The following CDH12 variants were observed in gnomAD, a reference collection of about 807,000 sequenced individuals.
The protein encoded by CDH12 is cadherin-12.
In CDH12, 41 loss-of-function variants were observed where a neutral mutation model predicts 74.1. The observed-to-expected ratio is 0.55, with a 90% confidence interval of 0.43 to 0.72. The LOEUF (loss-of-function observed/expected upper bound fraction) is 0.72, where lower values mean the gene tolerates loss of function less well. CDH12 is among the 30% of genes least tolerant of loss of function. The pLI is 0.00. For synonymous variants in CDH12, 399 were observed against 355.0 expected (o/e 1.12, Z -1.39); for missense variants, 945 against 977.2 (o/e 0.97, Z 0.44).
intron 6 of CDH12, among the ~76,000 whole-genome samples, chr5:21,865,405 T>C (rs1751274900): frequency 6.6e-6 from 1 of 152,196 alleles, no homozygotes; most frequent in Non-Finnish European, 1.5e-5. Context: ...GGGCAGGTGC[T>C]ATTCTTCAAA....
chr5:22,554,638 A>G (rs1168058286), intron 1 of CDH12, among the ~76,000 whole-genome samples: 4 of 152,138 alleles, frequency 2.6e-5, no homozygotes, highest in Non-Finnish European at 4.4e-5. Context: ...GCAGCACAGT[A>G]TGACTCAGTG....
intron 1 of CDH12, among the ~76,000 whole-genome samples, chr5:22,821,303 T>C (rs554993498): frequency 1.3e-5 from 2 of 151,720 alleles, no homozygotes; most frequent in East Asian, 3.9e-4. Flanking sequence ...AAACTGGGAG[T>C]ATTCCCTTTG....
chr5:21,852,829 G>T (rs1017271019), intron 7 of CDH12, among the ~76,000 whole-genome samples: 3 of 151,146 alleles, frequency 2.0e-5, no homozygotes, highest in Non-Finnish European at 4.4e-5. Context: ...TTCATAAGCT[G>T]AAGGGATCTA....
chr5:22,318,982 A>G (rs981942877), intron 3 of CDH12, among the ~76,000 whole-genome samples: 1 of 152,172 alleles, frequency 6.6e-6, no homozygotes, highest in African/African-American at 2.4e-5. Flanking sequence ...CCTGGAAAAA[A>G]GCATAAGATT....
At chr5:22,843,371 C>G (rs1049318178) in intron 1 of CDH12, among the ~76,000 whole-genome samples, 1 of 152,020 alleles carries the variant, frequency 6.6e-6, no homozygotes, top group African/African-American at 2.4e-5. Context: ...AAATTAGCAT[C>G]AAACACAGAA....
chr5:21,817,618 G>A (rs1277161268), intron 8 of CDH12, among the ~76,000 whole-genome samples: 2 of 151,864 alleles, frequency 1.3e-5, no homozygotes, highest in Non-Finnish European at 2.9e-5. Flanking sequence ...ACTTCAATAA[G>A]TATACATCAT....
intron 1 of CDH12, among the ~76,000 whole-genome samples, chr5:22,736,669 T>A (rs1744746091): frequency 6.6e-6 from 1 of 151,708 alleles, no homozygotes; most frequent in Non-Finnish European, 1.5e-5. Flanking sequence ...ATGTATCAGA[T>A]AGATTAGGAA....
At chr5:22,722,064 C>A (rs1454468435) in intron 1 of CDH12, among the ~76,000 whole-genome samples, 1 of 152,148 alleles carries the variant, frequency 6.6e-6, no homozygotes, top group Non-Finnish European at 1.5e-5. Context: ...CATATGTCAC[C>A]TTTTCTCTTT....
intron 1 of CDH12, among the ~76,000 whole-genome samples, chr5:22,821,363 T>C (rs185698605): frequency 3.3e-5 from 5 of 152,224 alleles, no homozygotes; most frequent in African/African-American, 1.2e-4. Flanking sequence ...CTATTCAACA[T>C]AGTGTTGCAA....
chr5:21,843,350 C>T (rs1749976133), intron 7 of CDH12, among the ~76,000 whole-genome samples: 1 of 152,028 alleles, frequency 6.6e-6, no homozygotes, highest in South Asian at 2.1e-4. Flanking sequence ...AAATCATAAA[C>T]CCAACATACA....
At chr5:21,840,851 C>T (rs1489111949) in intron 8 of CDH12, among the ~76,000 whole-genome samples, 2 of 152,030 alleles carry the variant, frequency 1.3e-5, no homozygotes, top group African/African-American at 4.8e-5. Flanking sequence ...TACACAAAAA[C>T]CAATTCAAGA....
chr5:21,802,341 G>C lies in CDH12; in HGVS notation c.1082C>G (p.Ser361Trp), dbSNP rs751770170. Reference protein sequence around the residue: ...SNLHLDHRFHSAGPFKDTATV... With the variant: ...SNLHLDHRFHWAGPFKDTATV... ...AGCTGTGTCTTTGAAAGGGCCCGCCGAGTGAAACCGGTGGTCAAGGTGAAG... is the reference window on the plus strand; with the variant it reads ...AGCTGTGTCTTTGAAAGGGCCCGCCCAGTGAAACCGGTGGTCAAGGTGAAG... Residue 361 changes from serine to tryptophan, a missense_variant, in exon 10 of 15, where the codon TCG becomes TGG. By Grantham distance (177) the Ser-to-Trp change is radical. Around this residue, in one of 3 missense-constraint regions of CDH12, gnomAD observed 791 missense variants for 792.8 expected, o/e 1.00. Transcript: ENST00000382254. 6.2e-7 allele frequency: 1 copy of C among 1,613,804 alleles called. No homozygotes were observed.
chr5:22,477,592 C>T (rs991375889), intron 2 of CDH12, among the ~76,000 whole-genome samples: 1 of 152,120 alleles, frequency 6.6e-6, no homozygotes, highest in African/African-American at 2.4e-5. Context: ...TTCCTTTTGG[C>T]ATATACTCAG....
chr5:21,884,471 A>G (rs1182452062), intron 6 of CDH12, among the ~76,000 whole-genome samples: 3 of 152,218 alleles, frequency 2.0e-5, no homozygotes, highest in Admixed American at 2.0e-4. Context: ...TTGACAAAAT[A>G]TATAATGGTT....
chr5:22,449,686 A>G (rs1254612650), intron 2 of CDH12, among the ~76,000 whole-genome samples: 1 of 152,062 alleles, frequency 6.6e-6, no homozygotes, highest in African/African-American at 2.4e-5. Context: ...CTTATCATCC[A>G]CATTAATTCA....
intron 6 of CDH12, among the ~76,000 whole-genome samples, chr5:21,956,809 T>C (rs1240586594): frequency 1.3e-5 from 2 of 152,338 alleles, no homozygotes; most frequent in Non-Finnish European, 2.9e-5. Flanking sequence ...AAATAAAGAT[T>C]ATTTCCTCTA....
In CDH12 at chr5:22,699,133, G is replaced by C. The variant is rs149331932; in HGVS notation, c.-523+153925C>G. Among the ~76,000 whole-genome samples, 53 of 152,156 alleles carry C rather than the reference G, an allele frequency of 3.5e-4. No homozygotes were observed. In the East Asian group the frequency reaches 9.7e-3, roughly 28 times the overall value. On this transcript the variant is annotated intron_variant, in intron 1 of 14. Transcript: ENST00000382254. ...TCAAAACCTAAAAGTGTAACCAAAC[G>C]AGATGATTCAGTCTTATTTACACAT...
chr5:22,788,736 A>C (rs1747768313), intron 1 of CDH12, among the ~76,000 whole-genome samples: 1 of 149,466 alleles, frequency 6.7e-6, no homozygotes, highest in African/African-American at 2.4e-5. Context: ...ATAGTTATGT[A>C]TTTATATAAA....
chr5:22,126,538 A>T (rs1027988979), intron 4 of CDH12, among the ~76,000 whole-genome samples: 1 of 152,216 alleles, frequency 6.6e-6, no homozygotes, highest in African/African-American at 2.4e-5. Flanking sequence ...TATAAAAAAA[A>T]CTTATATACA....
Sources: gnomAD v4.1 joint callset for allele counts (sites outside exome capture counted in the v4.1 genomes callset) on GRCh38, gnomAD v4.1.1 for gene constraint, gnomAD v4.1.1 regional missense constraint, MANE v1.5 for transcripts, NCBI Gene and HGNC (gene_info 2026-07-23, HGNC 2026-07-21) for gene names.